The following DPY30 variants were observed in gnomAD, a reference collection of about 807,000 sequenced individuals.
DPY30 encodes dpy-30 histone methyltransferase complex regulatory subunit.
A neutral mutation model predicts 16.2 loss-of-function variants in DPY30; 6 were observed. That is an observed-to-expected ratio of 0.37 (90% CI 0.20 to 0.73). The LOEUF is 0.73. Ranked by LOEUF, DPY30 falls within the 30% of genes least tolerant of loss-of-function variation. The pLI is 0.51. For missense variants in DPY30, 73 were observed against 113.1 expected, an observed-to-expected ratio of 0.65 and a Z score of 1.61; for synonymous variants, 39 against 38.8, an observed-to-expected ratio of 1.00 and a Z score of -0.02.
intron 3 of DPY30, among the ~76,000 whole-genome samples, chr2:32,038,586 T>G (rs1167385975): frequency 6.6e-6 from 1 of 151,800 alleles, no homozygotes; most frequent in Non-Finnish European, 1.5e-5. Flanking sequence ...TATTAAATGT[T>G]GACTCCACCA....
chr2:32,027,010 T>G (rs866946738), intron 4 of DPY30, among the ~76,000 whole-genome samples: 1 of 150,318 alleles, frequency 6.7e-6, no homozygotes, highest in Admixed American at 6.7e-5. Flanking sequence ...GCACGATGGC[T>G]CACACCTATA....
At chr2:32,019,835 A>ATATAT (rs1553386424), downstream of DPY30, among the ~76,000 whole-genome samples, 3 of 123,048 alleles carry the variant, frequency 2.4e-5, no homozygotes, top group African/African-American at 6.8e-5. Flanking sequence ...AAAAAAAAAA[A>ATATAT]ATATATATAT....
chr2:32,035,591 T>TAAA (rs906842596), intron 3 of DPY30, among the ~76,000 whole-genome samples: 1 of 137,384 alleles, frequency 7.3e-6, no homozygotes. Flanking sequence ...TTCATCTTAT[T>TAAA]AAAAAAAAAA....
intron 3 of DPY30, among the ~76,000 whole-genome samples, chr2:32,034,892 G>A (rs534082473): frequency 5.7e-4 from 87 of 152,086 alleles, no homozygotes; most frequent in African/African-American, 1.8e-3. Flanking sequence ...CCAGCTACTC[G>A]GGAGGCTGAG....
At chr2:32,035,488 G>T (rs1343855136) in intron 3 of DPY30, among the ~76,000 whole-genome samples, 1 of 151,592 alleles carries the variant, frequency 6.6e-6, no homozygotes, top group Admixed American at 6.6e-5. Flanking sequence ...TACTTGGGAG[G>T]CTGAGGCAGG....
chr2:32,037,355 T>A (rs982584248), intron 3 of DPY30, among the ~76,000 whole-genome samples: 2 of 152,134 alleles, frequency 1.3e-5, no homozygotes, highest in African/African-American at 4.8e-5. Flanking sequence ...CTCAGGATGG[T>A]GTGCAGTGGT....
intron 5 of DPY30, among the ~76,000 whole-genome samples, chr2:32,017,134 C>T (rs1168851580): frequency 3.3e-5 from 5 of 152,020 alleles, no homozygotes; most frequent in Non-Finnish European, 5.9e-5. Context: ...CCACCCACCT[C>T]GGCTTCCCAA....
chr2:32,024,715 A>G (rs1267870356), intron 4 of DPY30, among the ~76,000 whole-genome samples: 1 of 152,220 alleles, frequency 6.6e-6, no homozygotes, highest in Non-Finnish European at 1.5e-5. Context: ...GAACAAAAAT[A>G]ATATAGGACA....
chr2:32,025,171 A>C (rs1256152078), intron 4 of DPY30, among the ~76,000 whole-genome samples: 2 of 152,226 alleles, frequency 1.3e-5, no homozygotes, highest in Admixed American at 1.3e-4. Context: ...CTTTACTTAA[A>C]AAATGTATTT....
At chr2:32,027,795 AT>A (rs1303772623) in intron 4 of DPY30, among the ~76,000 whole-genome samples, 7 of 151,582 alleles carry the variant, frequency 4.6e-5, no homozygotes, top group Non-Finnish European at 8.8e-5. Context: ...CGCCCAGCTA[AT>A]TTTTTGTATC....
At chr2:32,029,919 G>A (rs1024003241) in intron 3 of DPY30, among the ~76,000 whole-genome samples, 183 bp from the exon 4 acceptor site, 3 of 151,942 alleles carry the variant, frequency 2.0e-5, no homozygotes, top group African/African-American at 7.3e-5. Flanking sequence ...TCTCATTCAA[G>A]CTCTCTCTCT....
At chr2:32,034,414 G>A (rs1187824168) in intron 3 of DPY30, among the ~76,000 whole-genome samples, 1 of 152,120 alleles carries the variant, frequency 6.6e-6, no homozygotes, top group African/African-American at 2.4e-5. Flanking sequence ...ACAAGAGAGG[G>A]AGCAAGAGAG....
rs749561765 is a variant in DPY30, at chr2:32,039,488, C to T, written c.-32G>A. 1 of 1,614,014 alleles carries T rather than the reference C, an allele frequency of 6.2e-7. No homozygotes were observed. Among genetic ancestry groups the T allele is most frequent in the South Asian group, 1.1e-5 (1 of 91,082 alleles). On this transcript the variant is annotated 5_prime_UTR_variant, in exon 2 of 5. Transcript: ENST00000342166. ...CCCTGCAAGTCACAGTCCCCGGATACCAGTCTTGGAAAACAAGAAGAGCCG... is the reference window on the plus strand; with the variant it reads ...CCCTGCAAGTCACAGTCCCCGGATATCAGTCTTGGAAAACAAGAAGAGCCG...
At chr2:32,021,478 G>A (rs1675178818), downstream of DPY30, among the ~76,000 whole-genome samples, 1 of 151,676 alleles carries the variant, frequency 6.6e-6, no homozygotes, top group Non-Finnish European at 1.5e-5. Context: ...AGGAGTTCAA[G>A]ACCAGCCTGG....
chr2:32,028,480 GAA>G (rs1675415509), intron 4 of DPY30, among the ~76,000 whole-genome samples: 1 of 152,138 alleles, frequency 6.6e-6, no homozygotes, highest in South Asian at 2.1e-4. Context: ...ACATGTTAAA[GAA>G]AGAGAAATAA....
At chr2:32,015,899 T>G (rs1675055027) in intron 5 of DPY30, among the ~76,000 whole-genome samples, 1 of 150,808 alleles carries the variant, frequency 6.6e-6, no homozygotes, top group Non-Finnish European at 1.5e-5. Flanking sequence ...CTGCCAAGGT[T>G]GATTTTGTTT....
chr2:32,026,106 T>C (rs1190825494), intron 4 of DPY30, among the ~76,000 whole-genome samples: 1 of 151,268 alleles, frequency 6.6e-6, no homozygotes, highest in Non-Finnish European at 1.5e-5. Context: ...AGACTCCATG[T>C]CAAAAAAAAA....
downstream of DPY30, chr2:32,023,606 CATT>C (rs1675231770): frequency 1.4e-6 from 1 of 697,502 alleles, no homozygotes; most frequent in Non-Finnish European, 2.3e-6. Flanking sequence ...ATGTTGATAA[CATT>C]AGAAGATATT....
At chr2:32,018,052 A>C (rs562394116) in intron 5 of DPY30, among the ~76,000 whole-genome samples, 12 of 152,208 alleles carry the variant, frequency 7.9e-5, no homozygotes, top group African/African-American at 2.4e-4. Context: ...AACTTCTCAG[A>C]TTCCAGAATT....
Sources: gnomAD v4.1 joint callset for allele counts (sites outside exome capture counted in the v4.1 genomes callset) on GRCh38, gnomAD v4.1.1 for gene constraint, MANE v1.5 for transcripts, NCBI Gene and HGNC (gene_info 2026-07-23, HGNC 2026-07-21) for gene names.